CACNB4: variants seen among roughly 807,000 people sequenced by gnomAD.
CACNB4 encodes calcium voltage-gated channel auxiliary subunit beta 4, also known as voltage-dependent L-type calcium channel subunit beta-4.
In CACNB4, 32 loss-of-function variants were observed where a neutral mutation model predicts 71.2. The observed-to-expected ratio is 0.45, with a 90% CI of 0.34 to 0.60. The LOEUF (loss-of-function observed/expected upper bound fraction) is 0.60. Among genes scored for constraint, CACNB4 ranks in the 20% least tolerant of loss-of-function variants. CACNB4 has a pLI of 0.01. For missense variants in CACNB4, 464 were observed against 647.9 expected (o/e 0.72, Z 3.08); for synonymous variants, 231 against 236.9 (o/e 0.97, Z 0.23).
intron 2 of CACNB4, among the ~76,000 whole-genome samples, chr2:151,885,345 G>A (rs570718686): frequency 1.3e-5 from 2 of 152,332 alleles, no homozygotes; most frequent in South Asian, 2.1e-4. Flanking sequence ...TGGGCTAGAT[G>A]TTTTGGACAC....
intron 2 of CACNB4, among the ~76,000 whole-genome samples, chr2:152,049,085 C>T (rs143505243): frequency 2.0e-4 from 30 of 152,194 alleles, no homozygotes; most frequent in African/African-American, 7.2e-4. Flanking sequence ...TCAGCACTCC[C>T]TATATCTTTA....
At position 151,853,462 on chromosome 2, in the gene CACNB4, C is replaced by A. The variant is rs1218798228; in HGVS notation, c.1102G>T (p.Ala368Ser). Residue 368 changes from alanine (A) to serine (S), a missense_variant, in exon 12 of 14, where the codon GCA becomes TCA. Physicochemically the swap from Ala to Ser is moderately conservative, Grantham distance 99. This residue lies in a region of CACNB4 where 299 missense variants were observed against 471.7 expected (regional missense o/e 0.63). Transcript: ENST00000539935. Reference sequence around the variant, plus strand: ...ATCATACTTACTGGGGGGCATTGTGCAAGTTTATCAGCTGCCACCAGTTGA... The same window carrying A: ...ATCATACTTACTGGGGGGCATTGTGAAAGTTTATCAGCTGCCACCAGTTGA... ...NVQLVAADKL[A>S]QCPPEMFDVI... is the part of the protein sequence containing the mutation. 6.3e-7 allele frequency: 1 copy of A among 1,594,278 alleles called. No homozygotes were observed. The highest frequency in any genetic ancestry group is 8.5e-7 in the Non-Finnish European group (1 of 1,169,930).
chr2:151,902,139 A>G (rs1466358610), intron 2 of CACNB4, among the ~76,000 whole-genome samples: 1 of 148,038 alleles, frequency 6.8e-6, no homozygotes, highest in African/African-American at 2.5e-5. Context: ...GGCTCAAGTG[A>G]TCCTCTCACC....
At chr2:151,884,030 G>C (rs1378726712) in intron 2 of CACNB4, 1 of 155,326 alleles carries the variant, frequency 6.4e-6, no homozygotes, top group Admixed American at 6.3e-5. Flanking sequence ...GGCTGGGCAC[G>C]GTGGCTCACG....
chr2:151,876,332 A>C (rs2099846236), intron 5 of CACNB4, 94 bp downstream of exon 5: 2 of 1,072,096 alleles, frequency 1.9e-6, no homozygotes, highest in Non-Finnish European at 2.6e-6. Context: ...CTTTGCACAC[A>C]GAAAAGTATC....
chr2:152,035,724 A>G (rs567813354), intron 2 of CACNB4, among the ~76,000 whole-genome samples: 15 of 151,624 alleles, frequency 9.9e-5, no homozygotes, highest in Middle Eastern at 3.4e-3. Flanking sequence ...TGTTAGACAA[A>G]CCGCAAGAAT....
At chr2:151,894,483 C>T (rs868840605) in intron 2 of CACNB4, among the ~76,000 whole-genome samples, 2 of 152,296 alleles carry the variant, frequency 1.3e-5, no homozygotes, top group Middle Eastern at 6.8e-3. Flanking sequence ...TAACATCATA[C>T]TGAATCCTCT....
intron 2 of CACNB4, among the ~76,000 whole-genome samples, chr2:152,002,627 A>G (rs1314467515): frequency 2.6e-5 from 4 of 152,254 alleles, no homozygotes; most frequent in African/African-American, 9.6e-5. Context: ...ACTTGGTTCT[A>G]TCATCTATCA....
chr2:151,949,892 A>G (rs1427382355), intron 2 of CACNB4, among the ~76,000 whole-genome samples: 2 of 151,972 alleles, frequency 1.3e-5, no homozygotes, highest in Non-Finnish European at 2.9e-5. Flanking sequence ...TACTAAAAAT[A>G]CAAAAATTAG....
At chr2:152,042,249 C>T (rs1216918235) in intron 2 of CACNB4, among the ~76,000 whole-genome samples, 1 of 152,326 alleles carries the variant, frequency 6.6e-6, no homozygotes, top group East Asian at 1.9e-4. Context: ...ACCAGCAAGG[C>T]CTCAAACAGC....
At chr2:151,841,685 TA>T in intron 13 of CACNB4, 1 of 487,932 alleles carries the variant, frequency 2.0e-6, no homozygotes, top group South Asian at 3.0e-5. Flanking sequence ...AAATCCACTG[TA>T]AATTCACAGA....
upstream of CACNB4, chr2:152,099,073 C>A: frequency 8.4e-7 from 1 of 1,195,870 alleles, no homozygotes; most frequent in Non-Finnish European, 1.2e-6. Flanking sequence ...GCCCCCGAGG[C>A]TGGGCTGCGG....
chr2:151,923,862 C>T (rs906168216), intron 2 of CACNB4, among the ~76,000 whole-genome samples: 1 of 152,190 alleles, frequency 6.6e-6, no homozygotes, highest in East Asian at 1.9e-4. Flanking sequence ...GGACCCAACA[C>T]TAAGTAAAGT....
chr2:152,053,522 A>AT (rs200394309), intron 2 of CACNB4, among the ~76,000 whole-genome samples: 68,857 of 137,916 alleles, frequency 0.5, 18,057 homozygotes, highest in Non-Finnish European at 0.61. Flanking sequence ...TGCTCTAGGA[A>AT]TTTTTTTTTT....
chr2:152,039,763 A>C lies in CACNB4; in HGVS notation c.147+58567T>G, dbSNP rs191401527. ...ATTCCTTCCAACCCTGGAAAAGTAG[A>C]GCGAAGCTCAGGGAAAACTACGTAA... On this transcript the variant is annotated intron_variant, in intron 2 of 13. Coordinates refer to ENST00000539935, the MANE Select transcript of CACNB4 (RefSeq NM_000726.5). Among the ~76,000 whole-genome samples, 45 of 152,376 alleles carry C rather than the reference A, an allele frequency of 3.0e-4. 1 individual carries two copies. Among genetic ancestry groups the C allele is most frequent in the African/African-American group, 9.9e-4 (41 of 41,598 alleles).
rs1688400018 is a variant in CACNB4, at chr2:152,098,411, C to G, written c.66G>C (p.Val22=). The change falls in exon 2 of 14, where the codon GTG becomes GTC. Residue 22 remains valine, a splice_region_variant and synonymous_variant. Coordinates refer to ENST00000539935, the MANE Select transcript of CACNB4 (RefSeq NM_000726.5). The surrounding 1 kb of genome is among the most constrained non-coding windows in gnomAD (Gnocchi z 5.3). ...TCCTCCGGGTTGTGGTGCCTCGGGC[C>G]ACCTGGACTCGACACACGGGGGCCA... ...ADGPHSPTSQ[V]ARGTTTRRSR... The G allele has an allele frequency of 6.2e-7, 1 of 1,612,802 alleles. No individual in the cohort carries two copies. Among genetic ancestry groups the G allele is most frequent in the Non-Finnish European group, 8.5e-7 (1 of 1,178,938 alleles).
chr2:151,940,246 A>C (rs916824381), intron 2 of CACNB4, among the ~76,000 whole-genome samples: 13 of 152,326 alleles, frequency 8.5e-5, no homozygotes, highest in African/African-American at 3.1e-4. Context: ...ATGAGGTACA[A>C]GGTGCTAACT....
At chr2:151,868,350 A>G (rs959626634) in intron 9 of CACNB4, 1 of 152,114 alleles carries the variant, frequency 6.6e-6, no homozygotes, top group Non-Finnish European at 1.5e-5. Context: ...TTTTTGATGC[A>G]CCCCATTTAA....
At chr2:151,877,155 A>C (rs910600613) in intron 4 of CACNB4, among the ~76,000 whole-genome samples, 1 of 150,568 alleles carries the variant, frequency 6.6e-6, no homozygotes, top group African/African-American at 2.4e-5. Flanking sequence ...TCTGAGGTAG[A>C]TGCATAGACT....
Sources: allele counts gnomAD v4.1 joint callset (sites outside exome capture counted in the v4.1 genomes callset), GRCh38; gene constraint gnomAD v4.1.1; regional missense constraint gnomAD v4.1.1; non-coding constraint Gnocchi (gnomAD v3.1); transcripts MANE v1.5; gene names NCBI Gene and HGNC (gene_info 2026-07-23, HGNC 2026-07-21).